INPP4A: variants seen among roughly 807,000 people sequenced by gnomAD.
The protein encoded by INPP4A is inositol polyphosphate-4-phosphatase type I A.
INPP4A carries 33 observed loss-of-function variants against 119.8 expected under a neutral mutation model. The observed-to-expected ratio is 0.28, with a 90% CI of 0.21 to 0.37. The LOEUF (loss-of-function observed/expected upper bound fraction) is 0.37. Among genes scored for constraint, INPP4A ranks in the 10% least tolerant of loss-of-function variants. The pLI, the probability that INPP4A is intolerant of heterozygous loss-of-function variation, is 1.00. For synonymous variants in INPP4A, 496 were observed against 500.7 expected (o/e 0.99, Z 0.12); for missense variants, 956 against 1,289.9 (o/e 0.74, Z 3.97).
chr2:98,475,630 G>A (rs947958539), intron 1 of INPP4A, among the ~76,000 whole-genome samples: 4 of 152,176 alleles, frequency 2.6e-5, no homozygotes, highest in East Asian at 1.9e-4. Context: ...TGCTTTAGGC[G>A]TCAGTATTAC....
intron 13 of INPP4A, among the ~76,000 whole-genome samples, chr2:98,550,467 C>G (rs975404474): frequency 1.3e-5 from 2 of 152,228 alleles, no homozygotes; most frequent in Admixed American, 6.5e-5. Flanking sequence ...CCACAAGACT[C>G]CACCCTTACG....
chr2:98,559,538 T>C (rs1695091474), intron 17 of INPP4A, 43 bp downstream of exon 17: 1 of 1,594,848 alleles, frequency 6.3e-7, no homozygotes, highest in African/African-American at 1.3e-5. Context: ...GCCCTTTTAA[T>C]TGATACTCAG....
chr2:98,486,827 G>A (rs1276290002), intron 1 of INPP4A, among the ~76,000 whole-genome samples: 6 of 152,268 alleles, frequency 3.9e-5, no homozygotes, highest in Non-Finnish European at 8.8e-5. Context: ...CTGGAATGCT[G>A]CACAGTGGCC....
chr2:98,526,169 T>C (rs1175619578), intron 4 of INPP4A, among the ~76,000 whole-genome samples: 1 of 152,214 alleles, frequency 6.6e-6, no homozygotes, highest in Non-Finnish European at 1.5e-5. Context: ...ACATTCCATT[T>C]GTATGAAATT....
Position 98,554,518 on chromosome 2 carries a change from A to G in INPP4A, c.1566+29A>G, listed in dbSNP as rs1575061545. Reference sequence around the variant, plus strand: ...AGTCTGCTGCTGTGGCTGTCATCCCACTGCTGAACTTGGGCTGAAAACCAC... The same window carrying G: ...AGTCTGCTGCTGTGGCTGTCATCCCGCTGCTGAACTTGGGCTGAAAACCAC... On this transcript the variant is annotated intron_variant, in intron 15 of 24. Transcript: ENST00000409851. This position sits in a 1 kb window ranked among gnomAD's most constrained non-coding sequence, Gnocchi z 4.7. 6.3e-7 allele frequency: 1 copy of G among 1,594,378 alleles called. No individual in the cohort carries two copies. The highest frequency in any genetic ancestry group is 8.6e-7 in the Non-Finnish European group (1 of 1,166,784).
intron 4 of INPP4A, chr2:98,521,707 G>C (rs1349869714): frequency 1.3e-5 from 2 of 152,338 alleles, no homozygotes; most frequent in African/African-American, 2.4e-5. Flanking sequence ...TAAGCCAGGA[G>C]GATTGCTTGA....
intron 1 of INPP4A, among the ~76,000 whole-genome samples, chr2:98,506,757 G>A (rs1347916128): frequency 6.6e-6 from 1 of 152,238 alleles, no homozygotes; most frequent in Admixed American, 6.5e-5. Context: ...AGGAATGGTG[G>A]CTGCTCCTCA....
At chr2:98,535,516 A>G (rs1224010456) in intron 5 of INPP4A, among the ~76,000 whole-genome samples, 1 of 152,198 alleles carries the variant, frequency 6.6e-6, no homozygotes, top group Non-Finnish European at 1.5e-5. Flanking sequence ...TGGATCTGTA[A>G]TGGTCTATGT....
intron 23 of INPP4A, among the ~76,000 whole-genome samples, chr2:98,573,208 C>T (rs955039677): frequency 6.6e-6 from 1 of 152,158 alleles, no homozygotes; most frequent in African/African-American, 2.4e-5. Context: ...GCCTGGCGAT[C>T]GATACCAGCT....
chr2:98,546,207 A>G lies in INPP4A; in HGVS notation c.1054+134A>G, dbSNP rs1259601058. ...CGGCTCGGAGGAGAGATTTGTCACA[A>G]GGACCTTCAAAAGGTTTCTGATAAC... is the stretch of plus-strand genomic sequence containing the variant. On this transcript the variant is annotated intron_variant, in intron 12 of 24. Coordinates refer to ENST00000409851, the MANE Select transcript of INPP4A (RefSeq NM_001134225.2). The surrounding 1 kb of genome is among the most constrained non-coding windows in gnomAD (Gnocchi z 4.2). The G allele has an allele frequency of 1.6e-6, 1 of 627,076 alleles. No homozygotes were observed. Among genetic ancestry groups the G allele is most frequent in the Non-Finnish European group, 2.8e-6 (1 of 356,872 alleles). 38.8% of individuals were successfully genotyped at this position (627,076 alleles called of 1,614,324 possible).
At chr2:98,487,033 G>A (rs991837900) in intron 1 of INPP4A, among the ~76,000 whole-genome samples, 1 of 152,238 alleles carries the variant, frequency 6.6e-6, no homozygotes, top group Non-Finnish European at 1.5e-5. Context: ...AAGGTTGCTT[G>A]TTAAATAAAC....
chr2:98,548,637 T>C (rs974254816), intron 13 of INPP4A, among the ~76,000 whole-genome samples: 7 of 152,206 alleles, frequency 4.6e-5, no homozygotes, highest in African/African-American at 1.7e-4. Flanking sequence ...TTCAAATATA[T>C]AAGTTTCTAT....
intron 1 of INPP4A, among the ~76,000 whole-genome samples, chr2:98,516,506 G>A (rs576630332): frequency 2.0e-5 from 3 of 152,218 alleles, no homozygotes; most frequent in South Asian, 2.1e-4. Flanking sequence ...GGTGAGTTTC[G>A]GAGCTTCCCC....
Position 98,565,654 on chromosome 2 carries a change from A to G in INPP4A, c.2167A>G (p.Met723Val), listed in dbSNP as rs772220065. 1.4e-5 allele frequency: 22 copies of G among 1,608,666 alleles called. No individual in the cohort carries two copies. Among genetic ancestry groups the G allele is most frequent in the Non-Finnish European group, 1.7e-5 (20 of 1,175,930 alleles). ...LLSTYGEELA[M>V]LEDMSLGIMD... ...CTCATGTCCAGGGGAGGAGCTGGCA[A>G]TGCTGGAGGACATGAGCCTTGGGAT... Residue 723 changes from methionine (M) to valine (V), a missense_variant, in exon 20 of 25, where the codon ATG becomes GTG. This residue lies in a region of INPP4A where 304 missense variants were observed against 492.1 expected (regional missense o/e 0.62). Coordinates refer to ENST00000409851, the MANE Select transcript of INPP4A (RefSeq NM_001134225.2).
At chr2:98,556,346 C>T (rs1190308920) in intron 16 of INPP4A, among the ~76,000 whole-genome samples, 4 of 152,156 alleles carry the variant, frequency 2.6e-5, no homozygotes, top group Non-Finnish European at 5.9e-5. Flanking sequence ...GAGAATGGGA[C>T]CCTGTTCCTG....
At chr2:98,480,815 C>T (rs1360221179) in intron 1 of INPP4A, among the ~76,000 whole-genome samples, 1 of 152,238 alleles carries the variant, frequency 6.6e-6, no homozygotes, top group Non-Finnish European at 1.5e-5. Context: ...TTCTTGCCAG[C>T]TGCAGCCCCA....
intron 8 of INPP4A, 147 bp from the exon 9 acceptor site, chr2:98,538,744 C>CT: frequency 1.8e-6 from 1 of 566,268 alleles, no homozygotes. Flanking sequence ...GACTTTGTGG[C>CT]TTGGGCAGCA....
At chr2:98,454,470 G>A (rs565139935) in intron 1 of INPP4A, among the ~76,000 whole-genome samples, 1 of 152,276 alleles carries the variant, frequency 6.6e-6, no homozygotes, top group South Asian at 2.1e-4. Flanking sequence ...AAATGGGGAA[G>A]GTGCTAGGCT....
chr2:98,573,483 C>G (rs1346446268), intron 23 of INPP4A, among the ~76,000 whole-genome samples: 1 of 152,214 alleles, frequency 6.6e-6, no homozygotes, highest in Non-Finnish European at 1.5e-5. Context: ...GCAGCATAAC[C>G]TGCCCAGCGC....
Sources: allele counts gnomAD v4.1 joint callset (sites outside exome capture counted in the v4.1 genomes callset), GRCh38; gene constraint gnomAD v4.1.1; regional missense constraint gnomAD v4.1.1; non-coding constraint Gnocchi (gnomAD v3.1); transcripts MANE v1.5; gene names NCBI Gene and HGNC (gene_info 2026-07-23, HGNC 2026-07-21).